TPR: variants seen among roughly 807,000 people sequenced by gnomAD.
TPR encodes nucleoprotein TPR.
Under a neutral mutation model 316.1 loss-of-function variants are expected in TPR, and 51 were observed. The observed-to-expected ratio is 0.16, with a 90% confidence interval of 0.13 to 0.20. The LOEUF (loss-of-function observed/expected upper bound fraction) is 0.20, where lower values mean the gene tolerates loss of function less well. TPR is among the 10% of genes least tolerant of loss of function. The pLI is 1.00. For missense variants in TPR, 2,272 were observed against 2,754.8 expected (o/e 0.82, Z 3.92); for synonymous variants, 981 against 914.7 (o/e 1.07, Z -1.31).
In TPR at chr1:186,372,328, G is replaced by A. The variant is rs542146904; in HGVS notation, c.256+1031C>T. On this transcript the variant is annotated intron_variant, in intron 2 of 50. Transcript: ENST00000367478. ...ACGCCGAGGCGGGAGAATCGCTCGA[G>A]GCCAGGAGTTCAAGACCAGCCTGGC... Among the ~76,000 whole-genome samples, 24 of 152,314 alleles carry A rather than the reference G, an allele frequency of 1.6e-4. No homozygotes were observed. In the South Asian group the frequency reaches 2.9e-3, roughly 18 times the overall value.
Position 186,325,310 on chromosome 1 carries a change from T to G in TPR, c.6112+454A>C, listed in dbSNP as rs944376805. On this transcript the variant is annotated intron_variant, in intron 42 of 50. Coordinates refer to ENST00000367478, the MANE Select transcript of TPR (RefSeq NM_003292.3). The stretch of plus-strand genomic sequence containing the variant: ...CAACTTTTCAGTGGACCTCCAGGAC[T>G]TATCCAAGATTTAACAAAATATATG... Among the ~76,000 whole-genome samples the G allele has an allele frequency of 3.9e-5, 6 of 152,322 alleles. No homozygotes were observed. The South Asian group carries it at 1.0e-3, about 26-fold the overall frequency.
At position 186,333,112 on chromosome 1, in the gene TPR, T is replaced by C. The variant is rs1421562945; in HGVS notation, c.5455+10A>G. ...GGTCTACTCTGACTTCATTTTAAAA[T>C]TAATTTTACCTGTGCCAAATACTGC... On this transcript the variant is annotated intron_variant, in intron 37 of 50. Transcript: ENST00000367478. The C allele has an allele frequency of 1.2e-6, 2 of 1,611,542 alleles. No individual in the cohort carries two copies. Among genetic ancestry groups the C allele is most frequent in the African/African-American group, 2.7e-5 (2 of 74,778 alleles).
intron 1 of TPR, among the ~76,000 whole-genome samples, chr1:186,374,481 A>T (rs1659638918): frequency 6.6e-6 from 1 of 152,212 alleles, no homozygotes; most frequent in Admixed American, 6.5e-5. Context: ...AGAGTGGTCA[A>T]TTTGGCAAAG....
Position 186,315,230 on chromosome 1 carries a change from A to C in TPR, c.6941-506T>G, listed in dbSNP as rs577382342. 1.0e-3 allele frequency among the ~76,000 whole-genome samples: 146 copies of C among 145,448 alleles called. 3 individuals carry two copies. The highest frequency in any genetic ancestry group is 3.6e-3 in the African/African-American group (139 of 39,004). ...TCAAAAAAAAAACAAACAAACAAAC[A>C]AAAAAAAAACACCAAAAAAAAACCA... On this transcript the variant is annotated intron_variant, in intron 49 of 50. Coordinates refer to ENST00000367478, the MANE Select transcript of TPR (RefSeq NM_003292.3).
chr1:186,320,065 C>T (rs1465654170), intron 46 of TPR, among the ~76,000 whole-genome samples: 1 of 151,990 alleles, frequency 6.6e-6, no homozygotes, highest in African/African-American at 2.4e-5. Context: ...GACATTACAC[C>T]AGGAGCCAGA....
intron 45 of TPR, among the ~76,000 whole-genome samples, chr1:186,320,629 C>A (rs946411452): frequency 6.6e-6 from 1 of 152,114 alleles, no homozygotes; most frequent in Admixed American, 6.5e-5. Flanking sequence ...ATAAGAATAA[C>A]CTGTGATTTA....
chr1:186,364,552 G>A (rs1194897584), intron 4 of TPR, among the ~76,000 whole-genome samples: 1 of 152,112 alleles, frequency 6.6e-6, no homozygotes, highest in African/African-American at 2.4e-5. Context: ...AATATGATAC[G>A]AGGTAAAGCA....
intron 50 of TPR, 108 bp from the exon 51 acceptor site, chr1:186,314,134 A>C: frequency 9.7e-7 from 1 of 1,036,086 alleles, no homozygotes; most frequent in Non-Finnish European, 1.4e-6. Flanking sequence ...TGTGGATATA[A>C]AACTGTTGGG....
intron 4 of TPR, among the ~76,000 whole-genome samples, chr1:186,366,781 A>G (rs1320833301): frequency 6.6e-6 from 1 of 152,096 alleles, no homozygotes; most frequent in Non-Finnish European, 1.5e-5. Context: ...ATAAATAATC[A>G]TTAAGCTAAA....
At chr1:186,336,740 A>G (rs1658350763) in intron 32 of TPR, 46 bp from the exon 33 acceptor site, 3 of 1,569,160 alleles carry the variant, frequency 1.9e-6, no homozygotes, top group South Asian at 2.3e-5. Context: ...AATCATTTCA[A>G]TATAAACTGT....
chr1:186,326,262 T>C, intron 40 of TPR, 27 bp from the exon 41 acceptor site: 1 of 1,583,170 alleles, frequency 6.3e-7, no homozygotes, highest in Non-Finnish European at 8.6e-7. Context: ...CAGGCATAAA[T>C]AAAAGTTTAG....
intron 30 of TPR, 82 bp from the exon 31 acceptor site, chr1:186,338,325 T>C (rs1658400741): frequency 6.1e-6 from 7 of 1,152,034 alleles, no homozygotes; most frequent in Admixed American, 2.6e-5. Context: ...CTTTATGTTA[T>C]ACTGCTTTAA....
In TPR at chr1:186,335,129, C is replaced by T; in HGVS notation, c.4912G>A (p.Val1638Ile). The change falls in exon 35 of 51, where the codon GTC (valine) becomes ATC (isoleucine). Residue 1638 changes from valine to isoleucine, a missense_variant and splice_region_variant. By Grantham distance (29) the Val-to-Ile change is conservative (BLOSUM62 3). Transcript: ENST00000367478. ...RDEPQEPSNK[V>I]PEQQRQITLK... is the part of the protein sequence containing the mutation. ...GTGATCTGTCTCTGCTGTTCAGGGA[C>T]CTATAAAGAGAAAGCTCTTGATTGT... 1 of 1,608,796 alleles carries T rather than the reference C, an allele frequency of 6.2e-7. No individual in the cohort carries two copies. Among genetic ancestry groups the T allele is most frequent in the Non-Finnish European group, 8.5e-7 (1 of 1,178,370 alleles).
In TPR at chr1:186,312,224, C is replaced by T; in HGVS notation, c.*1747G>A. The T allele has an allele frequency of 6.2e-7, 1 of 1,613,944 alleles. No homozygotes were observed. The highest frequency in any genetic ancestry group is 1.1e-5 in the South Asian group (1 of 91,074). On this transcript the variant is annotated 3_prime_UTR_variant, in exon 51 of 51. Coordinates refer to ENST00000367478, the MANE Select transcript of TPR (RefSeq NM_003292.3). ...ATAAACAGGAACCTGTACAGAAGTG[C>T]CCTGGAAGAAGGCCTGCTCTAAATT... is the stretch of plus-strand genomic sequence containing the variant.
At chr1:186,314,253 C>T in intron 50 of TPR, 2 of 476,398 alleles carry the variant, frequency 4.2e-6, no homozygotes, top group Non-Finnish European at 7.3e-6. Flanking sequence ...TAAAATTTTA[C>T]ACTTTTACTA....
chr1:186,348,028 A>T (rs1418218179), intron 21 of TPR, among the ~76,000 whole-genome samples: 3 of 152,206 alleles, frequency 2.0e-5, no homozygotes, highest in Non-Finnish European at 4.4e-5. Context: ...AACAATATGA[A>T]ATCAGTGCAC....
At chr1:186,343,499 T>C in intron 26 of TPR, 26 bp from the exon 27 acceptor site, 2 of 1,587,162 alleles carry the variant, frequency 1.3e-6, no homozygotes, top group Non-Finnish European at 1.7e-6. Context: ...TATTAAAATT[T>C]TATGTGAATT....
At chr1:186,367,060 C>CTTTT (rs71104854) in intron 4 of TPR, among the ~76,000 whole-genome samples, 69 of 89,536 alleles carry the variant, frequency 7.7e-4, no homozygotes, top group East Asian at 8.9e-4. Context: ...CCCAAAACAC[C>CTTTT]TTTTTTTTTT....
chr1:186,318,717 T>C lies in TPR; in HGVS notation c.6664+16A>G. On this transcript the variant is annotated intron_variant, in intron 47 of 50. Transcript: ENST00000367478. ...TACCAATAAAACAGAACCTACTATC[T>C]GCCTTTGATCCCTACCTGGGGCTGC... 6.2e-7 allele frequency: 1 copy of C among 1,613,402 alleles called. No homozygotes were observed. The highest frequency in any genetic ancestry group is 2.2e-5 in the East Asian group (1 of 44,880).
Sources: gnomAD v4.1 joint callset for allele counts (sites outside exome capture counted in the v4.1 genomes callset) on GRCh38, gnomAD v4.1.1 for gene constraint, MANE v1.5 for transcripts, NCBI Gene and HGNC (gene_info 2026-07-23, HGNC 2026-07-21) for gene names.